The following RGS7 variants were observed in gnomAD, a reference collection of about 807,000 sequenced individuals.
RGS7 encodes regulator of G-protein signaling 7.
RGS7 carries 27 observed loss-of-function variants against 81.1 expected under a neutral mutation model. The observed-to-expected ratio is 0.33, with a 90% confidence interval of 0.25 to 0.46. The LOEUF is 0.46. Ranked by LOEUF, RGS7 falls within the 20% of genes least tolerant of loss-of-function variation. RGS7 has a pLI of 1.00. For missense variants in RGS7, 396 were observed against 607.4 expected (o/e 0.65, Z 3.66); for synonymous variants, 208 against 207.7 (o/e 1.00, Z -0.01).
intron 3 of RGS7, among the ~76,000 whole-genome samples, chr1:241,041,203 A>G (rs1174937011): frequency 6.6e-6 from 1 of 152,142 alleles, no homozygotes; most frequent in Non-Finnish European, 1.5e-5. Flanking sequence ...TATTATTTTT[A>G]TTGCTTCAAT....
intron 2 of RGS7, among the ~76,000 whole-genome samples, chr1:241,272,543 C>T (rs2077973869): frequency 6.6e-6 from 1 of 152,160 alleles, no homozygotes; most frequent in Non-Finnish European, 1.5e-5. Context: ...CTTGAACAGC[C>T]AATCTGAAAA....
intron 2 of RGS7, among the ~76,000 whole-genome samples, chr1:241,310,298 A>G (rs2080431859): frequency 6.6e-6 from 1 of 152,166 alleles, no homozygotes; most frequent in Admixed American, 6.5e-5. Flanking sequence ...CAAGTCTACC[A>G]TGTTCTGTTA....
chr1:241,039,277 C>G (rs1445035199), intron 3 of RGS7, among the ~76,000 whole-genome samples: 1 of 152,200 alleles, frequency 6.6e-6, no homozygotes, highest in Non-Finnish European at 1.5e-5. Flanking sequence ...ACTGTGGGAT[C>G]AAACACTGGG....
At position 241,066,217 on chromosome 1, in the gene RGS7, C is replaced by G. The variant is rs376664685; in HGVS notation, c.175+32449G>C. Among the ~76,000 whole-genome samples the G allele has an allele frequency of 4.6e-5, 7 of 152,238 alleles. No homozygotes were observed. In the East Asian group the frequency reaches 1.4e-3, roughly 29 times the overall value. On this transcript the variant is annotated intron_variant, in intron 3 of 18. Transcript: ENST00000440928. Reference sequence around the variant, plus strand: ...TCCCTGAAGGTGTTCCTCATTTTCCCTCCTTGAGTCTGTCTATATGCAAGA... The same window carrying G: ...TCCCTGAAGGTGTTCCTCATTTTCCGTCCTTGAGTCTGTCTATATGCAAGA...
At chr1:240,852,237 G>C (rs1489487392) in intron 9 of RGS7, among the ~76,000 whole-genome samples, 1 of 152,168 alleles carries the variant, frequency 6.6e-6, no homozygotes, top group Admixed American at 6.5e-5. Context: ...ACTGAGGCAA[G>C]ATCTCCCACA....
chr1:241,296,104 G>A (rs954671824), intron 2 of RGS7, among the ~76,000 whole-genome samples: 1 of 152,122 alleles, frequency 6.6e-6, no homozygotes. Flanking sequence ...GTGGATTTGG[G>A]AATTATCTGT....
chr1:240,897,429 A>C (rs1669271949), intron 6 of RGS7, among the ~76,000 whole-genome samples: 1 of 152,150 alleles, frequency 6.6e-6, no homozygotes, highest in South Asian at 2.1e-4. Context: ...TGTCATAAAT[A>C]GCTCTTATTA....
chr1:240,819,509 G>A (rs1167634044), intron 10 of RGS7, among the ~76,000 whole-genome samples: 1 of 152,208 alleles, frequency 6.6e-6, no homozygotes, highest in African/African-American at 2.4e-5. Flanking sequence ...GGGAGGCTGA[G>A]GCAGGCATAT....
chr1:241,209,236 C>A (rs2074103402), intron 2 of RGS7, among the ~76,000 whole-genome samples: 1 of 152,174 alleles, frequency 6.6e-6, no homozygotes, highest in East Asian at 1.9e-4. Context: ...ACAGATGACA[C>A]ACTTATCTAT....
At chr1:241,183,618 T>C (rs963061184) in intron 2 of RGS7, among the ~76,000 whole-genome samples, 1 of 152,182 alleles carries the variant, frequency 6.6e-6, no homozygotes, top group Admixed American at 6.5e-5. Flanking sequence ...GGAGTCAAAC[T>C]GGGTCAAGTA....
chr1:240,799,668 A>C lies in RGS7; in HGVS notation c.*6+973T>G, dbSNP rs141786776. Among the ~76,000 whole-genome samples the C allele has an allele frequency of 3.1e-3, 467 of 152,332 alleles. 3 individuals carry two copies. Among genetic ancestry groups the C allele is most frequent in the African/African-American group, 0.011 (448 of 41,576 alleles). Reference sequence around the variant, plus strand: ...ACACTAATGACGAATAATCTTAAAAAAAAGGTCTGTGCATAATTTTTATAA... The same window carrying C: ...ACACTAATGACGAATAATCTTAAAACAAAGGTCTGTGCATAATTTTTATAA... On this transcript the variant is annotated intron_variant, in intron 18 of 18. Coordinates refer to ENST00000440928, the MANE Select transcript of RGS7 (RefSeq NM_001364886.1).
intron 6 of RGS7, among the ~76,000 whole-genome samples, chr1:240,886,963 A>G (rs1293818653): frequency 6.6e-6 from 1 of 152,168 alleles, no homozygotes; most frequent in East Asian, 1.9e-4. Flanking sequence ...ATGATATTGG[A>G]TGAGTCTCTA....
intron 2 of RGS7, among the ~76,000 whole-genome samples, chr1:241,185,195 A>G (rs1187830967): frequency 6.6e-6 from 1 of 152,236 alleles, no homozygotes; most frequent in Admixed American, 6.5e-5. Context: ...TGGTCTACGT[A>G]TAAAGATCAT....
At chr1:240,822,781 T>G (rs1692037399) in intron 10 of RGS7, among the ~76,000 whole-genome samples, 1 of 152,214 alleles carries the variant, frequency 6.6e-6, no homozygotes, top group South Asian at 2.1e-4. Flanking sequence ...TAAAAGAATC[T>G]TTTTAGTGCT....
chr1:241,281,334 A>G (rs762007162), intron 2 of RGS7, among the ~76,000 whole-genome samples: 59 of 152,230 alleles, frequency 3.9e-4, no homozygotes, highest in Non-Finnish European at 4.9e-4. Flanking sequence ...TTCTGTTGCT[A>G]TTGTGGTGAG....
rs1558680233 is a variant in RGS7, at chr1:241,075,394, C to A, written c.175+23272G>T. 2.6e-5 allele frequency among the ~76,000 whole-genome samples: 4 copies of A among 151,976 alleles called. No homozygotes were observed. The East Asian group carries it at 7.7e-4, about 29-fold the overall frequency. On this transcript the variant is annotated intron_variant, in intron 3 of 18. Transcript: ENST00000440928. Reference sequence around the variant, plus strand: ...GAATTAACCTTTTATTAACCCTAACCCTAACCCCCTTTTGACGAGGAGAAA... The same window carrying A: ...GAATTAACCTTTTATTAACCCTAACACTAACCCCCTTTTGACGAGGAGAAA...
intron 2 of RGS7, among the ~76,000 whole-genome samples, chr1:241,160,984 G>A (rs1275653993): frequency 6.6e-6 from 1 of 151,704 alleles, no homozygotes; most frequent in Non-Finnish European, 1.5e-5. Context: ...TATTAGGTTG[G>A]GGCAAAAGTG....
chr1:241,067,115 A>C (rs1012216428), intron 3 of RGS7, among the ~76,000 whole-genome samples: 2 of 145,712 alleles, frequency 1.4e-5, no homozygotes, highest in Non-Finnish European at 3.1e-5. Flanking sequence ...TACATGAAGC[A>C]AAAGAAATTA....
intron 2 of RGS7, among the ~76,000 whole-genome samples, chr1:241,176,401 A>G (rs2071147402): frequency 6.6e-6 from 1 of 152,192 alleles, no homozygotes; most frequent in Non-Finnish European, 1.5e-5. Context: ...CCCCACTTCA[A>G]GGATGAAGGG....
Sources: gnomAD v4.1 joint callset for allele counts (sites outside exome capture counted in the v4.1 genomes callset) on GRCh38, gnomAD v4.1.1 for gene constraint, MANE v1.5 for transcripts, NCBI Gene and HGNC (gene_info 2026-07-23, HGNC 2026-07-21) for gene names.